Variants in TDRD5 observed in about 807,000 individuals in gnomAD.
TDRD5 encodes the protein tudor domain containing 5.
A neutral mutation model predicts 120.6 loss-of-function variants in TDRD5; 41 were observed. That is an observed-to-expected ratio of 0.34 (90% CI 0.26 to 0.44). TDRD5 has a LOEUF of 0.44. Ranked by LOEUF, TDRD5 falls within the 20% of genes least tolerant of loss-of-function variation. The pLI, the probability that TDRD5 is intolerant of heterozygous loss-of-function variation, is 1.00. For missense variants in TDRD5, 1,006 were observed against 1,221.2 expected, an observed-to-expected ratio of 0.82 and a Z score of 2.63; for synonymous variants, 430 against 433.7, an observed-to-expected ratio of 0.99 and a Z score of 0.11.
chr1:179,660,320 C>G (rs192016600), intron 14 of TDRD5, among the ~76,000 whole-genome samples: 1 of 147,340 alleles, frequency 6.8e-6, no homozygotes, highest in Non-Finnish European at 1.5e-5. Context: ...CTCAGGTTCA[C>G]GCCATTCTCC....
chr1:179,627,168 A>G (rs192499998), intron 6 of TDRD5, among the ~76,000 whole-genome samples: 2 of 152,328 alleles, frequency 1.3e-5, no homozygotes, highest in Admixed American at 1.3e-4. Context: ...CTGACTTTCA[A>G]TTGCAGAGAG....
chr1:179,657,694 A>AT (rs1679077951), intron 14 of TDRD5, among the ~76,000 whole-genome samples: 1 of 151,534 alleles, frequency 6.6e-6, no homozygotes. Flanking sequence ...CTTTTTATTT[A>AT]TTTTTGTTGT....
intron 14 of TDRD5, among the ~76,000 whole-genome samples, chr1:179,655,183 T>C (rs995526566): frequency 1.3e-5 from 2 of 152,216 alleles, no homozygotes; most frequent in East Asian, 3.8e-4. Flanking sequence ...TTTTCAGTTT[T>C]AAGTATCTGT....
Position 179,691,121 on chromosome 1 carries a change from A to G in TDRD5, c.*178A>G. On this transcript the variant is annotated 3_prime_UTR_variant, in exon 18 of 18. Transcript: ENST00000444136. ...AGTCTACTTTGATGTGTAAGTAAGT[A>G]TTGATATTTACTGTTAATCTTGATT... 1 of 726,404 alleles carries G rather than the reference A, an allele frequency of 1.4e-6. No homozygotes were observed. The highest frequency in any genetic ancestry group is 2.1e-6 in the Non-Finnish European group (1 of 482,612). 45.0% of individuals were successfully genotyped at this position (726,404 alleles called of 1,614,324 possible).
At chr1:179,599,624 G>A (rs1037436108) in intron 4 of TDRD5, among the ~76,000 whole-genome samples, 1 of 151,326 alleles carries the variant, frequency 6.6e-6, no homozygotes, top group Non-Finnish European at 1.5e-5. Flanking sequence ...AAATAAAGTT[G>A]TTCATAATGT....
At chr1:179,670,321 G>A (rs532480037) in intron 17 of TDRD5, among the ~76,000 whole-genome samples, 5 of 152,030 alleles carry the variant, frequency 3.3e-5, no homozygotes, top group South Asian at 2.1e-4. Flanking sequence ...GAACCCAGGC[G>A]GCAGAGGTTG....
intron 12 of TDRD5, 54 bp downstream of exon 12, chr1:179,651,121 A>C (rs1678687926): frequency 1.3e-6 from 2 of 1,561,604 alleles, no homozygotes; most frequent in Non-Finnish European, 1.8e-6. Flanking sequence ...TCACCACGTC[A>C]AGGTATAAGA....
chr1:179,679,064 T>A (rs1395023442), intron 17 of TDRD5, among the ~76,000 whole-genome samples: 5 of 152,224 alleles, frequency 3.3e-5, no homozygotes, highest in African/African-American at 1.2e-4. Context: ...TGATAGTTTT[T>A]ATTATGAATC....
At chr1:179,620,923 T>C (rs949795592) in intron 5 of TDRD5, 112 bp from the exon 6 acceptor site, 7 of 832,550 alleles carry the variant, frequency 8.4e-6, no homozygotes, top group Non-Finnish European at 1.2e-5. Context: ...ATGACTAAAA[T>C]TCATTTAATA....
At chr1:179,637,231 C>T (rs956586244) in intron 9 of TDRD5, among the ~76,000 whole-genome samples, 3 of 152,176 alleles carry the variant, frequency 2.0e-5, no homozygotes, top group African/African-American at 7.2e-5. Flanking sequence ...ATGTAAGTCA[C>T]ATAATCACTT....
chr1:179,667,459 A>G (rs1176574097), intron 16 of TDRD5, among the ~76,000 whole-genome samples: 1 of 152,218 alleles, frequency 6.6e-6, no homozygotes, highest in Non-Finnish European at 1.5e-5. Flanking sequence ...TCTAGGGCCT[A>G]GTCTTTACCA....
At chr1:179,635,916 T>G (rs1355105881) in intron 9 of TDRD5, 29 bp downstream of exon 9, 1 of 1,598,408 alleles carries the variant, frequency 6.3e-7, no homozygotes, top group African/African-American at 1.3e-5. Flanking sequence ...CAATGTGTTT[T>G]TCACATGTCT....
At chr1:179,620,967 A>G (rs1386008462) in intron 5 of TDRD5, 68 bp from the exon 6 acceptor site, 4 of 1,208,438 alleles carry the variant, frequency 3.3e-6, no homozygotes, top group Admixed American at 2.5e-5. Flanking sequence ...ATTTGTTTAT[A>G]TTATTTTAAT....
chr1:179,650,850 T>C lies in TDRD5; in HGVS notation c.1801-17T>C. 2 of 1,613,722 alleles carry C rather than the reference T, an allele frequency of 1.2e-6. No homozygotes were observed. The highest frequency in any genetic ancestry group is 1.7e-6 in the Non-Finnish European group (2 of 1,179,628). On this transcript the variant is annotated splice_polypyrimidine_tract_variant and intron_variant, in intron 11 of 17. Coordinates refer to ENST00000444136, the MANE Select transcript of TDRD5 (RefSeq NM_001199085.3). ...TTAGATCTATCACCTGAATCCAATA[T>C]CTTGATCATATTTCAGGAACACTGG...
intron 11 of TDRD5, among the ~76,000 whole-genome samples, chr1:179,643,158 C>A (rs114944711): frequency 2.0e-5 from 3 of 152,140 alleles, no homozygotes; most frequent in African/African-American, 7.2e-5. Flanking sequence ...GGTAACTGAA[C>A]AGAGATTTCT....
intron 4 of TDRD5, among the ~76,000 whole-genome samples, chr1:179,616,565 T>C (rs1676575452): frequency 6.6e-6 from 1 of 152,236 alleles, no homozygotes; most frequent in African/African-American, 2.4e-5. Flanking sequence ...TCAGTATCTC[T>C]GTTTTTGCTT....
intron 17 of TDRD5, among the ~76,000 whole-genome samples, chr1:179,686,611 G>A (rs898116922): frequency 1.3e-5 from 2 of 152,200 alleles, no homozygotes; most frequent in Admixed American, 6.5e-5. Context: ...AGTTTCAGAA[G>A]GAATGGTACC....
At chr1:179,650,718 C>A in intron 11 of TDRD5, 149 bp from the exon 12 acceptor site, 1 of 698,860 alleles carries the variant, frequency 1.4e-6, no homozygotes, top group Non-Finnish European at 2.3e-6. Context: ...ATCCCCAAAT[C>A]ATATATATCC....
In TDRD5 at chr1:179,651,057, T is replaced by C. The variant is rs1208272347; in HGVS notation, c.1991T>C (p.Ile664Thr). The C allele has an allele frequency of 5.0e-6, 8 of 1,613,978 alleles. 1 individual carries two copies. Among genetic ancestry groups the C allele is most frequent in the Middle Eastern group, 3.3e-4 (2 of 6,082 alleles). The change falls in exon 12 of 18, where the codon ATC becomes ACC. Residue 664 changes from isoleucine (I) to threonine (T), a missense_variant. By Grantham distance (89) the Ile-to-Thr change is moderately conservative. Transcript: ENST00000444136. The stretch of plus-strand genomic sequence containing the variant: ...CATGCTATTGTATGCCGAGAAAATA[T>C]CTCTTCTAAGGTGGAGCAGTCTGGA... ...EGHAIVCREN[I>T]SSKGFSELNP...
Sources: allele counts gnomAD v4.1 joint callset (sites outside exome capture counted in the v4.1 genomes callset), GRCh38; gene constraint gnomAD v4.1.1; transcripts MANE v1.5; gene names NCBI Gene and HGNC (gene_info 2026-07-23, HGNC 2026-07-21).